Variants in SH3PXD2B observed in about 807,000 individuals in gnomAD.
The protein encoded by SH3PXD2B is SH3 and PX domains 2B.
Under a neutral mutation model 73.1 loss-of-function variants are expected in SH3PXD2B, and 37 were observed. That is an observed-to-expected ratio of 0.51 (90% confidence interval 0.39 to 0.67). The LOEUF is 0.67. Ranked by LOEUF, SH3PXD2B falls within the 30% of genes least tolerant of loss-of-function variation. The probability of loss-of-function intolerance (pLI) is 0.00; values close to 1 mark genes in which losing one functional copy is unlikely to be tolerated. For missense variants in SH3PXD2B, 1,053 were observed against 1,197.8 expected (o/e 0.88, Z 1.78); for synonymous variants, 457 against 480.5 (o/e 0.95, Z 0.64).
chr5:172,327,244 G>A (rs7714172), intron 12 of SH3PXD2B, among the ~76,000 whole-genome samples: 90,429 of 152,026 alleles, frequency 0.59, 27,565 homozygotes, highest in South Asian at 0.83. Context: ...CTATGTGCTA[G>A]GTATACATTA....
chr5:172,449,101 G>A (rs1759738786), intron 1 of SH3PXD2B, among the ~76,000 whole-genome samples: 1 of 152,218 alleles, frequency 6.6e-6, no homozygotes, highest in Admixed American at 6.5e-5. Context: ...AAATCAAAGA[G>A]GGAGGTTTCA....
chr5:172,451,457 T>A (rs892970614), intron 1 of SH3PXD2B, among the ~76,000 whole-genome samples: 1 of 152,136 alleles, frequency 6.6e-6, no homozygotes, highest in African/African-American at 2.4e-5. Context: ...GATAACTAGC[T>A]GGGTAGAAGC....
chr5:172,420,835 T>C (rs1758948189), intron 2 of SH3PXD2B, among the ~76,000 whole-genome samples: 2 of 152,200 alleles, frequency 1.3e-5, no homozygotes, highest in South Asian at 4.1e-4. Context: ...TGTTGTATCA[T>C]TGTGCAATCA....
intron 12 of SH3PXD2B, among the ~76,000 whole-genome samples, chr5:172,341,709 G>A (rs1756855375): frequency 6.6e-6 from 1 of 152,196 alleles, no homozygotes; most frequent in African/African-American, 2.4e-5. Context: ...GGAGTGCAGT[G>A]GCACTATCTC....
At position 172,358,821 on chromosome 5, in the gene SH3PXD2B, C is replaced by G. The variant is rs779715325; in HGVS notation, c.619G>C (p.Glu207Gln). ...TCATCCTGCACCCCATCCTGGCCTT[C>G]GAGGCACGTTGCAGGGACCCAGCCT... ...EQGWVPATCL[E>Q]GQDGVQDEFS... Residue 207 changes from glutamate to glutamine, a missense_variant, in exon 8 of 13, where the codon GAA becomes CAA. Coordinates refer to ENST00000311601, the MANE Select transcript of SH3PXD2B (RefSeq NM_001017995.3). The G allele has an allele frequency of 6.2e-7, 1 of 1,613,876 alleles. No individual in the cohort carries two copies. The highest frequency in any genetic ancestry group is 1.3e-5 in the African/African-American group (1 of 74,918).
intron 2 of SH3PXD2B, 141 bp downstream of exon 2, chr5:172,422,275 G>A (rs1250034041): frequency 2.6e-6 from 2 of 783,396 alleles, no homozygotes; most frequent in Admixed American, 2.0e-5. Flanking sequence ...GATTACAGGT[G>A]TGAGCCACCA....
intron 1 of SH3PXD2B, among the ~76,000 whole-genome samples, chr5:172,447,016 A>T (rs928188373): frequency 1.3e-5 from 2 of 152,192 alleles, no homozygotes; most frequent in East Asian, 3.8e-4. Flanking sequence ...TCAGGAGGAC[A>T]GGAGAATCCT....
At position 172,334,188 on chromosome 5, in the gene SH3PXD2B, T is replaced by C. The variant is rs936474905; in HGVS notation, c.*4181A>G. The C allele has an allele frequency of 5.4e-6, 6 of 1,101,878 alleles. No homozygotes were observed. Among genetic ancestry groups the C allele is most frequent in the Middle Eastern group, 4.2e-4 (1 of 2,406 alleles). The allele number at this position is 1,101,878 out of a possible 1,614,324, so 68.3% of individuals were successfully genotyped here. On this transcript the variant is annotated 3_prime_UTR_variant, in exon 13 of 13. Transcript: ENST00000311601. ...GGAGGAGCTCGATAACTTGGCAGAATAGCACCAGAAACCAGATGCCACCCC... is the reference window on the plus strand; with the variant it reads ...GGAGGAGCTCGATAACTTGGCAGAACAGCACCAGAAACCAGATGCCACCCC...
intron 3 of SH3PXD2B, among the ~76,000 whole-genome samples, chr5:172,400,319 A>T (rs1758397243): frequency 6.6e-6 from 1 of 152,236 alleles, no homozygotes; most frequent in Non-Finnish European, 1.5e-5. Flanking sequence ...GTTTAGTAAT[A>T]GACTGGGCAC....
At chr5:172,378,834 G>T (rs1757877388) in intron 5 of SH3PXD2B, among the ~76,000 whole-genome samples, 1 of 152,130 alleles carries the variant, frequency 6.6e-6, no homozygotes, top group African/African-American at 2.4e-5. Context: ...ACTTTGGGAG[G>T]CCAAGACAGG....
rs140235646 is a variant in SH3PXD2B at position 172,337,230 on chromosome 5, C to T, written c.*1139G>A. The T allele has an allele frequency of 3.3e-5, 33 of 985,604 alleles. No individual in the cohort carries two copies. The highest frequency in any genetic ancestry group is 1.1e-4 in the East Asian group (1 of 8,824). The allele number at this position is 985,604 out of a possible 1,614,324, so 61.1% of individuals were successfully genotyped here. A position where few individuals can be genotyped will look rare whatever the true frequency, so the allele number is the denominator to read the frequency against. On this transcript the variant is annotated 3_prime_UTR_variant, in exon 13 of 13. Transcript: ENST00000311601. ...GGGATGGTGGGTGTGGGAGCAGCCA[C>T]GAATGCCCCCTCACCCCCCTCACAA...
At position 172,336,562 on chromosome 5, in the gene SH3PXD2B, A is replaced by C; in HGVS notation, c.*1807T>G. 1.0e-6 allele frequency: 1 copy of C among 986,162 alleles called. No homozygotes were observed. The highest frequency in any genetic ancestry group is 1.2e-6 in the Non-Finnish European group (1 of 830,124). The allele number at this position is 986,162 out of a possible 1,614,324, so 61.1% of individuals were successfully genotyped here. A position where few individuals can be genotyped will look rare whatever the true frequency, so the allele number is the denominator to read the frequency against. On this transcript the variant is annotated 3_prime_UTR_variant, in exon 13 of 13. Coordinates refer to ENST00000311601, the MANE Select transcript of SH3PXD2B (RefSeq NM_001017995.3). ...GGGTGGAGCTGGGAGGCGCGGCAGA[A>C]GAGGGCTGTTCAAGCAAAACTTTGG... is the stretch of plus-strand genomic sequence containing the variant.
intron 4 of SH3PXD2B, among the ~76,000 whole-genome samples, chr5:172,385,494 A>C (rs1356180962): frequency 6.6e-6 from 1 of 152,214 alleles, no homozygotes; most frequent in Non-Finnish European, 1.5e-5. Context: ...GCAGGGTGGC[A>C]GCTGTTCCTC....
At chr5:172,373,651 T>C (rs1757757082) in intron 6 of SH3PXD2B, 139 bp downstream of exon 6, 2 of 946,328 alleles carry the variant, frequency 2.1e-6, no homozygotes, top group South Asian at 1.6e-5. Flanking sequence ...CCTCCTTCCC[T>C]TCCCTCCCTC....
chr5:172,350,623 T>C (rs1757142109), intron 9 of SH3PXD2B, 34 bp from the exon 10 acceptor site: 1 of 1,560,206 alleles, frequency 6.4e-7, no homozygotes, highest in African/African-American at 1.4e-5. Context: ...GTCAAACTGC[T>C]CCGCCAGGCC....
intron 1 of SH3PXD2B, 31 bp downstream of exon 1, chr5:172,454,247 C>A: frequency 6.3e-7 from 1 of 1,581,316 alleles, no homozygotes; most frequent in East Asian, 2.3e-5. Flanking sequence ...GGCGCGGGCT[C>A]AAGGGGGCGT....
chr5:172,454,065 T>G (rs1581352691), intron 1 of SH3PXD2B, among the ~76,000 whole-genome samples: 4 of 44,490 alleles, frequency 9.0e-5, no homozygotes, highest in East Asian at 9.1e-4. Context: ...GAGGAAGGGA[T>G]GGAGGGGGAG....
intron 5 of SH3PXD2B, among the ~76,000 whole-genome samples, chr5:172,375,569 C>T (rs1757805481): frequency 6.6e-6 from 1 of 152,186 alleles, no homozygotes; most frequent in Non-Finnish European, 1.5e-5. Flanking sequence ...AACGATTTGC[C>T]TATTCTGGAT....
intron 1 of SH3PXD2B, among the ~76,000 whole-genome samples, chr5:172,439,682 G>GCACACA (rs879732011): frequency 1.8e-5 from 2 of 109,488 alleles, no homozygotes; most frequent in African/African-American, 7.3e-5. Flanking sequence ...GTGCGTGCGC[G>GCACACA]CACGCGCGCG....
Sources: gnomAD v4.1 joint callset for allele counts (sites outside exome capture counted in the v4.1 genomes callset) on GRCh38, gnomAD v4.1.1 for gene constraint, MANE v1.5 for transcripts, NCBI Gene and HGNC (gene_info 2026-07-23, HGNC 2026-07-21) for gene names.